Variants in FMN2 observed in about 807,000 individuals in gnomAD.
FMN2 encodes formin 2, also known as formin-2.
FMN2 carries 51 observed loss-of-function variants against 142.3 expected under a neutral mutation model. The ratio of observed to expected loss-of-function variants is 0.36; its 90% CI spans 0.29 to 0.45. The LOEUF is 0.45. Ranked by LOEUF, FMN2 falls within the 20% of genes least tolerant of loss-of-function variation. The pLI is 1.00. For synonymous variants in FMN2, 882 were observed against 869.8 expected, an observed-to-expected ratio of 1.01 and a Z score of -0.25; for missense variants, 1,936 against 2,122.8, an observed-to-expected ratio of 0.91 and a Z score of 1.73.
At chr1:240,244,690 A>G (rs1668021333) in intron 6 of FMN2, among the ~76,000 whole-genome samples, 1 of 152,228 alleles carries the variant, frequency 6.6e-6, no homozygotes, top group Non-Finnish European at 1.5e-5. Flanking sequence ...AGTGGTTCCC[A>G]AATCTGCACC....
intron 4 of FMN2, among the ~76,000 whole-genome samples, chr1:240,193,449 G>T (rs559931673): frequency 5.9e-5 from 9 of 152,356 alleles, no homozygotes; most frequent in Admixed American, 3.3e-4. Flanking sequence ...GTTGTTGAGA[G>T]ACTACAATTA....
intron 8 of FMN2, among the ~76,000 whole-genome samples, chr1:240,310,438 A>AT (rs1222234307): frequency 6.6e-6 from 1 of 152,166 alleles, no homozygotes; most frequent in East Asian, 1.9e-4. Context: ...GATGTGAATG[A>AT]ATCTTGGTTA....
chr1:240,327,653 A>G (rs561414052), intron 8 of FMN2, among the ~76,000 whole-genome samples: 1 of 152,308 alleles, frequency 6.6e-6, no homozygotes, highest in Non-Finnish European at 1.5e-5. Flanking sequence ...AATAAAAATA[A>G]TCCAAATACT....
intron 4 of FMN2, among the ~76,000 whole-genome samples, chr1:240,203,769 T>G (rs757401715): frequency 6.6e-6 from 1 of 152,104 alleles, no homozygotes; most frequent in Non-Finnish European, 1.5e-5. Flanking sequence ...CGTTGACCTA[T>G]GGAACAAACC....
intron 6 of FMN2, 32 bp from the exon 7 acceptor site, chr1:240,257,913 C>T (rs1021109600): frequency 1.1e-5 from 17 of 1,585,138 alleles, no homozygotes; most frequent in Non-Finnish European, 1.4e-5. Flanking sequence ...TTCAAATTAA[C>T]ATTTTCCCCT....
chr1:240,117,930 G>A lies in FMN2; in HGVS notation c.1616-5249G>A, dbSNP rs148874690. ...AGAATAAAGTGGATAATGGGAACAAGAGTAATGGGGTGTGCTCCTTCAGAA... is the reference window on the plus strand; with the variant it reads ...AGAATAAAGTGGATAATGGGAACAAAAGTAATGGGGTGTGCTCCTTCAGAA... On this transcript the variant is annotated intron_variant, in intron 1 of 17. Coordinates refer to ENST00000319653, the MANE Select transcript of FMN2 (RefSeq NM_020066.5). Among the ~76,000 whole-genome samples, 704 of 152,322 alleles carry A rather than the reference G, an allele frequency of 4.6e-3. 2 individuals are homozygous for A. The highest frequency in any genetic ancestry group is 0.016 in the African/African-American group (678 of 41,570).
intron 7 of FMN2, among the ~76,000 whole-genome samples, chr1:240,274,946 G>A (rs1410620175): frequency 2.0e-5 from 3 of 152,110 alleles, no homozygotes; most frequent in Admixed American, 6.6e-5. Context: ...TTGTTTGCTT[G>A]AGAGAGAATG....
At chr1:240,198,025 G>A (rs1265296777) in intron 4 of FMN2, among the ~76,000 whole-genome samples, 2 of 152,104 alleles carry the variant, frequency 1.3e-5, no homozygotes, top group Non-Finnish European at 2.9e-5. Flanking sequence ...AGAACAGTTG[G>A]GTGTTAATGC....
At chr1:240,227,220 A>G (rs903363388) in intron 6 of FMN2, among the ~76,000 whole-genome samples, 1 of 152,246 alleles carries the variant, frequency 6.6e-6, no homozygotes, top group Non-Finnish European at 1.5e-5. Flanking sequence ...ATTAAAAAGA[A>G]TAAGATACTG....
At chr1:240,154,647 T>C (rs1191469181) in intron 2 of FMN2, 1 of 152,124 alleles carries the variant, frequency 6.6e-6, no homozygotes, top group Non-Finnish European at 1.5e-5. Flanking sequence ...TATTTACTCA[T>C]TTTTAAAGGC....
intron 7 of FMN2, among the ~76,000 whole-genome samples, chr1:240,277,077 C>T (rs1427380233): frequency 2.6e-5 from 4 of 152,038 alleles, no homozygotes; most frequent in Non-Finnish European, 5.9e-5. Flanking sequence ...TAAACAATAG[C>T]GGCTTTCTTG....
intron 8 of FMN2, among the ~76,000 whole-genome samples, chr1:240,319,082 G>A (rs1670882723): frequency 1.3e-5 from 2 of 152,280 alleles, no homozygotes; most frequent in Middle Eastern, 3.4e-3. Flanking sequence ...GGAAACCAGA[G>A]CTAAATGTAT....
intron 16 of FMN2, among the ~76,000 whole-genome samples, chr1:240,440,005 T>A (rs1377685255): frequency 6.6e-6 from 1 of 152,214 alleles, no homozygotes; most frequent in African/African-American, 2.4e-5. Context: ...ATTATTTTCA[T>A]CATGTCTAGG....
chr1:240,215,918 A>G (rs1666877709), intron 6 of FMN2, among the ~76,000 whole-genome samples: 1 of 152,056 alleles, frequency 6.6e-6, no homozygotes, highest in African/African-American at 2.4e-5. Context: ...CATGTTGATC[A>G]GGCTGGTCTC....
chr1:240,207,124 CT>C lies in FMN2; in HGVS notation c.2313del (p.Ala773LeufsTer15). On this transcript the variant is annotated frameshift_variant, in exon 5 of 18. Coordinates refer to ENST00000319653, the MANE Select transcript of FMN2 (RefSeq NM_020066.5). LOFTEE classifies it high-confidence loss of function. ...CTGCCAGGGCGTCCTCCATGCCCCC[CT>C]GGGGCTGAAAGTGGACCTCAGACAA... Reference protein sequence around the residue: ...DGLPGRPPCPPGAESGPQTKF... With the variant: ...DGLPGRPPCPXGAESGPQTKF... 1 of 1,614,130 alleles carries C rather than the reference CT, an allele frequency of 6.2e-7. No individual in the cohort carries two copies. Among genetic ancestry groups the C allele is most frequent in the Non-Finnish European group, 8.5e-7 (1 of 1,179,990 alleles).
chr1:240,324,635 C>T (rs1301986734), intron 8 of FMN2, among the ~76,000 whole-genome samples: 4 of 132,516 alleles, frequency 3.0e-5, no homozygotes, highest in African/African-American at 5.5e-5. Flanking sequence ...CACTACAGCC[C>T]GGGCAACAGA....
intron 2 of FMN2, among the ~76,000 whole-genome samples, chr1:240,165,103 T>C (rs1463822875): frequency 6.6e-6 from 1 of 152,238 alleles, no homozygotes; most frequent in East Asian, 1.9e-4. Flanking sequence ...GTTGAGGTTT[T>C]AATTTGGCTA....
At position 240,388,934 on chromosome 1, in the gene FMN2, G is replaced by A. The variant is rs185384846; in HGVS notation, c.4859-3577G>A. Reference sequence around the variant, plus strand: ...AGCACAGAAAGCCCGGTGATTTGATGACAATGTGAAGATCACCAGCCAAGC... The same window carrying A: ...AGCACAGAAAGCCCGGTGATTTGATAACAATGTGAAGATCACCAGCCAAGC... On this transcript the variant is annotated intron_variant, in intron 14 of 17. Transcript: ENST00000319653. 2.7e-3 allele frequency among the ~76,000 whole-genome samples: 407 copies of A among 150,880 alleles called. 6 individuals carry two copies. The highest frequency in any genetic ancestry group is 9.7e-3 in the African/African-American group (399 of 41,126).
chr1:240,413,788 G>T (rs911282970), intron 15 of FMN2, among the ~76,000 whole-genome samples: 1 of 152,172 alleles, frequency 6.6e-6, no homozygotes, highest in African/African-American at 2.4e-5. Context: ...GTTATAAACT[G>T]CATTCGTGCC....
Sources: gnomAD v4.1 joint callset for allele counts (sites outside exome capture counted in the v4.1 genomes callset) on GRCh38, gnomAD v4.1.1 for gene constraint, MANE v1.5 for transcripts, NCBI Gene and HGNC (gene_info 2026-07-23, HGNC 2026-07-21) for gene names.